ACER3: variants seen among roughly 807,000 people sequenced by gnomAD.
ACER3 encodes the protein alkaline ceramidase 3, also known as alkCDase 3.
Under a neutral mutation model 48.9 loss-of-function variants are expected in ACER3, and 16 were observed. The observed-to-expected ratio is 0.33, with a 90% CI of 0.22 to 0.50. The LOEUF is 0.50. Ranked by LOEUF, ACER3 falls within the 20% of genes least tolerant of loss-of-function variation. The probability of loss-of-function intolerance (pLI) is 0.98; values close to 1 mark genes in which losing one functional copy is unlikely to be tolerated. For synonymous variants in ACER3, 109 were observed against 107.8 expected, an observed-to-expected ratio of 1.01 and a Z score of -0.07; for missense variants, 227 against 326.0, an observed-to-expected ratio of 0.70 and a Z score of 2.34.
chr11:76,895,622 G>T (rs981671557), intron 1 of ACER3, among the ~76,000 whole-genome samples: 1 of 152,102 alleles, frequency 6.6e-6, no homozygotes, highest in Non-Finnish European at 1.5e-5. Context: ...TCCCTCATTT[G>T]CAAAATGAGG....
intron 1 of ACER3, among the ~76,000 whole-genome samples, chr11:76,895,843 C>T (rs1352924745): frequency 1.3e-5 from 2 of 152,042 alleles, no homozygotes; most frequent in African/African-American, 4.8e-5. Context: ...CTAAATGTTG[C>T]TTAATAGACA....
At chr11:76,929,277 T>TATA (rs1282866238) in intron 2 of ACER3, among the ~76,000 whole-genome samples, 5 of 152,206 alleles carry the variant, frequency 3.3e-5, no homozygotes, top group Admixed American at 2.6e-4. Context: ...GTTATTAGTG[T>TATA]ATAAGAATGC....
At chr11:76,892,595 G>C (rs1945832951) in intron 1 of ACER3, among the ~76,000 whole-genome samples, 1 of 152,106 alleles carries the variant, frequency 6.6e-6, no homozygotes, top group Admixed American at 6.6e-5. Flanking sequence ...CGCTCAGTGA[G>C]TACCCTAGAA....
At chr11:76,966,426 C>CA (rs1948139568) in intron 3 of ACER3, among the ~76,000 whole-genome samples, 1 of 150,400 alleles carries the variant, frequency 6.6e-6, no homozygotes, top group Non-Finnish European at 1.5e-5. Context: ...CAAGGATATC[C>CA]AGGAATTGAA....
intron 2 of ACER3, among the ~76,000 whole-genome samples, chr11:76,927,493 G>C (rs1946862373): frequency 6.6e-6 from 1 of 151,866 alleles, no homozygotes. Context: ...AAGTTCTAGG[G>C]TACACGTGCA....
In ACER3 at chr11:76,866,363, C is replaced by A. The variant is rs1018026951; in HGVS notation, c.103+5284C>A. On this transcript the variant is annotated intron_variant, in intron 1 of 10. Transcript: ENST00000532485. The stretch of plus-strand genomic sequence containing the variant: ...GACAAGGAGGCAACTCAACTACATG[C>A]TTTGCTTTCTGTACATGAACTGAAT... Among the ~76,000 whole-genome samples the A allele has an allele frequency of 5.9e-5, 9 of 152,272 alleles. No homozygotes were observed. The South Asian group carries it at 1.9e-3, about 32-fold the overall frequency.
intron 1 of ACER3, among the ~76,000 whole-genome samples, chr11:76,870,028 C>CT (rs1319274375): frequency 2.0e-5 from 3 of 149,874 alleles, no homozygotes; most frequent in Non-Finnish European, 4.5e-5. Flanking sequence ...CACCTGGCTA[C>CT]TTTTTTTATT....
At chr11:76,916,473 G>A (rs974256860) in intron 1 of ACER3, among the ~76,000 whole-genome samples, 1 of 152,180 alleles carries the variant, frequency 6.6e-6, no homozygotes, top group Non-Finnish European at 1.5e-5. Context: ...CAGATTTAGT[G>A]AAAAGAGATC....
At chr11:76,890,791 G>T (rs991014073) in intron 1 of ACER3, among the ~76,000 whole-genome samples, 6 of 152,158 alleles carry the variant, frequency 3.9e-5, no homozygotes, top group Non-Finnish European at 5.9e-5. Context: ...GCTTAAAAAT[G>T]TGAAAAGGAT....
At chr11:76,903,757 C>A (rs977980696) in intron 1 of ACER3, among the ~76,000 whole-genome samples, 2 of 152,040 alleles carry the variant, frequency 1.3e-5, no homozygotes, top group Non-Finnish European at 2.9e-5. Context: ...AGTAATATTT[C>A]TTCGACATAT....
chr11:76,984,820 ATTAT>A (rs1352664697), intron 4 of ACER3, among the ~76,000 whole-genome samples: 1 of 152,102 alleles, frequency 6.6e-6, no homozygotes, highest in Admixed American at 6.5e-5. Flanking sequence ...ATTAGGAGAG[ATTAT>A]TTATTTACTG....
intron 1 of ACER3, among the ~76,000 whole-genome samples, chr11:76,919,116 A>G (rs931951159): frequency 6.6e-6 from 1 of 152,190 alleles, no homozygotes; most frequent in African/African-American, 2.4e-5. Flanking sequence ...TTTCAGCTTC[A>G]CTAGATTTTA....
At position 77,020,638 on chromosome 11, in the gene ACER3, G is replaced by T; in HGVS notation, c.*311G>T. ...TCTTAACAGGTTAACAGTTTGTGCT[G>T]GTTATAAGAAATTAACCTTCTTTTC... On this transcript the variant is annotated 3_prime_UTR_variant, in exon 11 of 11. Coordinates refer to ENST00000532485, the MANE Select transcript of ACER3 (RefSeq NM_018367.7). 4.0e-6 allele frequency: 1 copy of T among 252,088 alleles called. No individual in the cohort carries two copies. The highest frequency in any genetic ancestry group is 7.6e-6 in the Non-Finnish European group (1 of 132,222). 15.6% of individuals were successfully genotyped at this position (252,088 alleles called of 1,614,324 possible). A position where few individuals can be genotyped will look rare whatever the true frequency, so the allele number is the denominator to read the frequency against.
At chr11:77,019,817 TG>T in intron 10 of ACER3, 41 bp downstream of exon 10, 1 of 1,595,616 alleles carries the variant, frequency 6.3e-7, no homozygotes, top group Non-Finnish European at 8.6e-7. Context: ...GTTGGGGGTA[TG>T]GTACTGGGAG....
At chr11:76,899,076 A>G (rs1946013497) in intron 1 of ACER3, among the ~76,000 whole-genome samples, 1 of 152,168 alleles carries the variant, frequency 6.6e-6, no homozygotes, top group Non-Finnish European at 1.5e-5. Context: ...ACCCATGCCA[A>G]GATTTCAAAG....
chr11:76,944,672 A>G (rs755942191), intron 2 of ACER3, among the ~76,000 whole-genome samples: 19 of 152,228 alleles, frequency 1.2e-4, no homozygotes, highest in Non-Finnish European at 1.9e-4. Flanking sequence ...TCTGAATATA[A>G]TATGCCATAG....
chr11:76,876,591 C>T (rs1292605124), intron 1 of ACER3, among the ~76,000 whole-genome samples: 4 of 152,140 alleles, frequency 2.6e-5, no homozygotes, highest in Non-Finnish European at 4.4e-5. Flanking sequence ...ATAATTGGGT[C>T]ATAGAGTATG....
rs1238023185 is a variant in ACER3, at chr11:76,888,115, T to G, written c.103+27036T>G. On this transcript the variant is annotated intron_variant, in intron 1 of 10. Transcript: ENST00000532485. Reference sequence around the variant, plus strand: ...AATTATAGCCTGACTTGCTTATTATTGCCCTCTGTTAGGAGAGCCTTTTTA... The same window carrying G: ...AATTATAGCCTGACTTGCTTATTATGGCCCTCTGTTAGGAGAGCCTTTTTA... 4.6e-5 allele frequency among the ~76,000 whole-genome samples: 7 copies of G among 152,278 alleles called. No individual in the cohort carries two copies. The South Asian group carries it at 1.0e-3, about 23-fold the overall frequency.
intron 7 of ACER3, among the ~76,000 whole-genome samples, chr11:77,000,363 T>G (rs994691019): frequency 2.6e-5 from 4 of 152,178 alleles, no homozygotes; most frequent in African/African-American, 9.7e-5. Context: ...TTGTGAATTC[T>G]TTCTCCCAAT....
Sources: gnomAD v4.1 joint callset for allele counts (sites outside exome capture counted in the v4.1 genomes callset) on GRCh38, gnomAD v4.1.1 for gene constraint, MANE v1.5 for transcripts, NCBI Gene and HGNC (gene_info 2026-07-23, HGNC 2026-07-21) for gene names.